The following HIGD1A variants were observed in gnomAD, a reference collection of about 807,000 sequenced individuals.
HIGD1A encodes HIG1 domain family member 1A, mitochondrial.
Under a neutral mutation model 11.3 loss-of-function variants are expected in HIGD1A, and 8 were observed. The ratio of observed to expected loss-of-function variants is 0.71; its 90% CI spans 0.42 to 1.28. HIGD1A has a LOEUF of 1.28. Ranked by LOEUF, HIGD1A falls within the 50% of genes most tolerant of loss-of-function variation. HIGD1A has a pLI of 0.01. For missense variants in HIGD1A, 107 were observed against 118.8 expected, an observed-to-expected ratio of 0.90 and a Z score of 0.46; for synonymous variants, 32 against 38.4, an observed-to-expected ratio of 0.83 and a Z score of 0.62.
At chr3:42,791,442 C>A (rs577331483) in intron 2 of HIGD1A, among the ~76,000 whole-genome samples, 27 of 152,096 alleles carry the variant, frequency 1.8e-4, no homozygotes, top group Non-Finnish European at 1.0e-4. Context: ...AAAGCTAATT[C>A]ACAGAAGAGA....
chr3:42,789,491 C>T (rs1318382782), intron 2 of HIGD1A, among the ~76,000 whole-genome samples: 1 of 123,410 alleles, frequency 8.1e-6, no homozygotes, highest in Admixed American at 9.6e-5. Context: ...CAGAGTGAGA[C>T]CTGTGTCTAC....
chr3:42,794,086 G>T, intron 2 of HIGD1A, 71 bp downstream of exon 2: 1 of 1,422,090 alleles, frequency 7.0e-7, no homozygotes, highest in Non-Finnish European at 9.5e-7. Flanking sequence ...ATTCTTTCAG[G>T]ATATTGCTAA....
intron 3 of HIGD1A, 37 bp downstream of exon 3, chr3:42,785,991 G>T: frequency 6.2e-7 from 1 of 1,608,204 alleles, no homozygotes; most frequent in Non-Finnish European, 8.5e-7. Flanking sequence ...ATACCTTAAT[G>T]AGAAACGAAA....
At chr3:42,793,181 T>C (rs896348598) in intron 2 of HIGD1A, among the ~76,000 whole-genome samples, 1 of 152,194 alleles carries the variant, frequency 6.6e-6, no homozygotes, top group Non-Finnish European at 1.5e-5. Flanking sequence ...TAAAATTCTC[T>C]GTAAGATTAA....
intron 1 of HIGD1A, 97 bp from the exon 2 acceptor site, chr3:42,794,372 C>A: frequency 8.8e-7 from 1 of 1,142,240 alleles, no homozygotes; most frequent in South Asian, 1.8e-5. Flanking sequence ...CCATGAGAAT[C>A]TTAGTATATG....
At chr3:42,791,474 T>C (rs1242202027) in intron 2 of HIGD1A, among the ~76,000 whole-genome samples, 2 of 152,084 alleles carry the variant, frequency 1.3e-5, no homozygotes, top group Admixed American at 6.6e-5. Flanking sequence ...CCAATACATA[T>C]GAAAAGATGC....
chr3:42,802,341 G>A (rs1470821093), intron 1 of HIGD1A, among the ~76,000 whole-genome samples: 1 of 152,150 alleles, frequency 6.6e-6, no homozygotes, highest in Non-Finnish European at 1.5e-5. Context: ...GCATCAGGGT[G>A]TGGGGAACAA....
At position 42,783,859 on chromosome 3, in the gene HIGD1A, T is replaced by C. The variant is rs1480265740; in HGVS notation, c.*1412A>G. 3.3e-5 allele frequency among the ~76,000 whole-genome samples: 5 copies of C among 152,200 alleles called. No individual in the cohort carries two copies. The highest frequency in any genetic ancestry group is 1.2e-4 in the African/African-American group (5 of 41,532). ...GGGAGGCCGAGGCAGGTGGATAACC[T>C]GAGGTCAGGAATTCAAGATCAGCCT... On this transcript the variant is annotated 3_prime_UTR_variant, in exon 4 of 4. Coordinates refer to ENST00000321331, the MANE Select transcript of HIGD1A (RefSeq NM_014056.4).
chr3:42,784,104 TAATC>T lies in HIGD1A; in HGVS notation c.*1163_*1166del, dbSNP rs1700317734. ...AAAAAAAAAAAAAAATTTATATGGA[TAATC>T]AATAGAACAAAAATTACCCACAAAA... On this transcript the variant is annotated 3_prime_UTR_variant, in exon 4 of 4. Transcript: ENST00000321331. 6.8e-6 allele frequency among the ~76,000 whole-genome samples: 1 copy of T among 147,068 alleles called. No individual in the cohort carries two copies. Among genetic ancestry groups the T allele is most frequent in the African/African-American group, 2.5e-5 (1 of 40,174 alleles).
rs1296260840 is a variant in HIGD1A at position 42,783,905 on chromosome 3, G to A, written c.*1366C>T. On this transcript the variant is annotated 3_prime_UTR_variant, in exon 4 of 4. Transcript: ENST00000321331. Reference sequence around the variant, plus strand: ...AGCCTGGCCAACATGGTGAAACCTCGTCTCTACTAAATATACAAAAATTAG... The same window carrying A: ...AGCCTGGCCAACATGGTGAAACCTCATCTCTACTAAATATACAAAAATTAG... Among the ~76,000 whole-genome samples the A allele has an allele frequency of 2.6e-5, 4 of 151,880 alleles. No individual in the cohort carries two copies. The highest frequency in any genetic ancestry group is 6.6e-5 in the Admixed American group (1 of 15,242).
At chr3:42,785,979 A>G in intron 3 of HIGD1A, 49 bp downstream of exon 3, 9 of 1,582,226 alleles carry the variant, frequency 5.7e-6, no homozygotes, top group Non-Finnish European at 7.8e-6. Flanking sequence ...GTTTGTAAAG[A>G]AATACCTTAA....
At position 42,786,073 on chromosome 3, in the gene HIGD1A, T is replaced by A; in HGVS notation, c.187A>T (p.Met63Leu). 1 of 1,613,408 alleles carries A rather than the reference T, an allele frequency of 6.2e-7. No individual in the cohort carries two copies. The highest frequency in any genetic ancestry group is 8.5e-7 in the Non-Finnish European group (1 of 1,179,980). The change falls in exon 3 of 4, where the codon ATG (methionine) becomes TTG (leucine). Residue 63 changes from methionine (M) to leucine (L), a missense_variant. Met to Leu is a conservative substitution (Grantham distance 15). Transcript: ENST00000321331. Reference sequence around the variant, plus strand: ...ACAAAGCCTTGGGCTGCCACACGCATGTGGATCAGATGAATGGACATTTTA... The same window carrying A: ...ACAAAGCCTTGGGCTGCCACACGCAAGTGGATCAGATGAATGGACATTTTA... ...NTKMSIHLIH[M>L]RVAAQGFVVG...
intron 1 of HIGD1A, among the ~76,000 whole-genome samples, chr3:42,794,671 C>G (rs1462560095): frequency 4.6e-5 from 7 of 152,200 alleles, no homozygotes; most frequent in Non-Finnish European, 1.5e-5. Context: ...CTGACAACTC[C>G]TATTGAACCT....
chr3:42,795,091 C>A (rs762422690), intron 1 of HIGD1A, among the ~76,000 whole-genome samples: 1 of 151,706 alleles, frequency 6.6e-6, no homozygotes, highest in Non-Finnish European at 1.5e-5. Flanking sequence ...CACACACCAC[C>A]GTGCCTAATT....
intron 1 of HIGD1A, among the ~76,000 whole-genome samples, chr3:42,801,449 C>A (rs922492203): frequency 2.6e-5 from 4 of 152,210 alleles, no homozygotes; most frequent in African/African-American, 9.7e-5. Flanking sequence ...CCAATACCTG[C>A]TCTGCTTGTA....
rs1163603645 is a variant in HIGD1A at position 42,787,594 on chromosome 3, A to AATATATAT, written c.98-1440_98-1433dup. Among the ~76,000 whole-genome samples, 396 of 141,220 alleles carry AATATATAT rather than the reference A, an allele frequency of 2.8e-3. 6 individuals are homozygous for AATATATAT. Among genetic ancestry groups the AATATATAT allele is most frequent in the African/African-American group, 9.5e-3 (362 of 38,246 alleles). 92.6% of individuals were successfully genotyped at this position (141,220 alleles called of 152,430 possible). On this transcript the variant is annotated intron_variant, in intron 2 of 3. Coordinates refer to ENST00000321331, the MANE Select transcript of HIGD1A (RefSeq NM_014056.4). ...CGACAGAGCGAGACTCCATCTCAAA[A>AATATATAT]ATATATATATATATATATATATATA...
rs1299685363 is a variant in HIGD1A, at chr3:42,804,313, T to G, written c.-23+123A>C. On this transcript the variant is annotated intron_variant, in intron 1 of 3. Coordinates refer to ENST00000321331, the MANE Select transcript of HIGD1A (RefSeq NM_014056.4). Reference sequence around the variant, plus strand: ...GGCAACTCCACCTCTCCTCCCTCATTCGAGACACGGACTCCCAGCCCCCAC... The same window carrying G: ...GGCAACTCCACCTCTCCTCCCTCATGCGAGACACGGACTCCCAGCCCCCAC... The G allele has an allele frequency of 6.5e-6, 6 of 924,634 alleles. 1 individual carries two copies. The Admixed American group carries it at 1.4e-4, about 22-fold the overall frequency. The allele number at this position is 924,634 out of a possible 1,614,324, so 57.3% of individuals were successfully genotyped here.
intron 1 of HIGD1A, among the ~76,000 whole-genome samples, chr3:42,795,091 C>T (rs762422690): frequency 3.3e-5 from 5 of 151,706 alleles, no homozygotes; most frequent in Admixed American, 6.6e-5. Context: ...CACACACCAC[C>T]GTGCCTAATT....
chr3:42,789,759 C>T (rs1399754697), intron 2 of HIGD1A, among the ~76,000 whole-genome samples: 3 of 151,994 alleles, frequency 2.0e-5, no homozygotes, highest in African/African-American at 7.3e-5. Flanking sequence ...CAGGGTCTTG[C>T]TCTGTCACCC....
Sources: gnomAD v4.1 joint callset for allele counts (sites outside exome capture counted in the v4.1 genomes callset) on GRCh38, gnomAD v4.1.1 for gene constraint, MANE v1.5 for transcripts, NCBI Gene and HGNC (gene_info 2026-07-23, HGNC 2026-07-21) for gene names.